The following CNTN5 variants were observed in gnomAD, a reference collection of about 807,000 sequenced individuals.
CNTN5 encodes the protein contactin 5.
In CNTN5, 77 loss-of-function variants were observed where a neutral mutation model predicts 129.1. That is an observed-to-expected ratio of 0.60 (90% CI 0.50 to 0.72). The LOEUF (loss-of-function observed/expected upper bound fraction) is 0.72. Ranked by LOEUF, CNTN5 falls within the 30% of genes least tolerant of loss-of-function variation. The pLI is 0.00. For synonymous variants in CNTN5, 509 were observed against 465.6 expected, an observed-to-expected ratio of 1.09 and a Z score of -1.20; for missense variants, 1,478 against 1,328.8, an observed-to-expected ratio of 1.11 and a Z score of -1.75.
intron 2 of CNTN5, among the ~76,000 whole-genome samples, chr11:99,356,508 A>G (rs922822840): frequency 6.6e-6 from 1 of 152,218 alleles, no homozygotes; most frequent in African/African-American, 2.4e-5. Context: ...TCTTTCATGT[A>G]TAACCCTCCT....
chr11:100,215,468 C>T (rs117339626), intron 15 of CNTN5, among the ~76,000 whole-genome samples: 1 of 152,242 alleles, frequency 6.6e-6, no homozygotes, highest in Non-Finnish European at 1.5e-5. Context: ...TACAACACTG[C>T]ATACAAGTAG....
intron 6 of CNTN5, among the ~76,000 whole-genome samples, chr11:99,899,257 A>G (rs1453185928): frequency 6.6e-6 from 1 of 152,000 alleles, no homozygotes; most frequent in Non-Finnish European, 1.5e-5. Flanking sequence ...GACTTCCAGT[A>G]TTATATTGAA....
chr11:99,828,573 C>T (rs1289937812), intron 4 of CNTN5, among the ~76,000 whole-genome samples: 1 of 152,058 alleles, frequency 6.6e-6, no homozygotes. Context: ...AAGGGAAGCA[C>T]CTTGAAATCA....
rs575483645 is a variant in CNTN5 at position 100,216,781 on chromosome 11, T to C, written c.1885-7911T>C. Among the ~76,000 whole-genome samples the C allele has an allele frequency of 1.0e-3, 158 of 152,330 alleles. 1 individual carries two copies. The South Asian group carries it at 0.015, about 14-fold the overall frequency. ...GAAATAATTTCTAATAATAGTTTTA[T>C]GGTCATTACTACTCAATGAAGCCAT... On this transcript the variant is annotated intron_variant, in intron 15 of 24. Transcript: ENST00000524871.
At chr11:99,260,921 T>C (rs993202168) in intron 1 of CNTN5, among the ~76,000 whole-genome samples, 1 of 151,968 alleles carries the variant, frequency 6.6e-6, no homozygotes, top group African/African-American at 2.4e-5. Flanking sequence ...GGAAGCAAGA[T>C]GTGGGCATTT....
At chr11:99,495,686 A>G (rs17133635) in intron 2 of CNTN5, among the ~76,000 whole-genome samples, 2,446 of 152,272 alleles carry the variant, frequency 0.016, 102 homozygotes, top group Admixed American at 0.092. Flanking sequence ...AGAGAGCTTT[A>G]TCCTTTAAAA....
Position 99,985,022 on chromosome 11 carries a change from G to T in CNTN5, c.878-17012G>T, listed in dbSNP as rs370275725. On this transcript the variant is annotated intron_variant, in intron 8 of 24. Coordinates refer to ENST00000524871, the MANE Select transcript of CNTN5 (RefSeq NM_014361.4). ...ATCCTGCGGCAGTGCCCAGGTGAGG[G>T]TGCCTGCAACGGTGAAGCTCAAGAA... Among the ~76,000 whole-genome samples the T allele has an allele frequency of 6.6e-5, 10 of 152,236 alleles. No individual in the cohort carries two copies. The South Asian group carries it at 1.2e-3, about 19-fold the overall frequency.
At chr11:99,948,808 G>C (rs566570322) in intron 7 of CNTN5, among the ~76,000 whole-genome samples, 1 of 152,112 alleles carries the variant, frequency 6.6e-6, no homozygotes, top group Admixed American at 6.5e-5. Context: ...ACCTTCACCC[G>C]ATGCGTGCGC....
intron 16 of CNTN5, among the ~76,000 whole-genome samples, chr11:100,232,577 T>TGGG (rs1208854588): frequency 6.6e-6 from 1 of 152,234 alleles, no homozygotes; most frequent in Non-Finnish European, 1.5e-5. Flanking sequence ...TCCAACAGAC[T>TGGG]GGGTCACATA....
At chr11:99,908,138 G>T (rs1260575453) in intron 6 of CNTN5, among the ~76,000 whole-genome samples, 2 of 151,996 alleles carry the variant, frequency 1.3e-5, no homozygotes, top group South Asian at 2.1e-4. Context: ...TACACTTGCA[G>T]TGTAAGAGCA....
intron 2 of CNTN5, among the ~76,000 whole-genome samples, chr11:99,457,595 A>T (rs1944542732): frequency 6.6e-6 from 1 of 151,884 alleles, no homozygotes; most frequent in African/African-American, 2.4e-5. Flanking sequence ...TTAAACACAA[A>T]TTTTTAACAG....
In CNTN5 at chr11:99,291,270, G is replaced by T. The variant is rs541411632; in HGVS notation, c.-209-34076G>T. Among the ~76,000 whole-genome samples the T allele has an allele frequency of 1.5e-4, 23 of 151,976 alleles. 1 individual carries two copies. In the South Asian group the frequency reaches 4.8e-3, roughly 31 times the overall value. ...TTGTCTTAATAAAGGATTTAAGAAA[G>T]AAGTTTTCAAAGGCAACTTCTTACT... On this transcript the variant is annotated intron_variant, in intron 1 of 24. Transcript: ENST00000524871.
In CNTN5 at chr11:100,350,807, C is replaced by T. The variant is rs371358971; in HGVS notation, c.3136C>T (p.Arg1046Ter). 8 of 1,607,050 alleles carry T rather than the reference C, an allele frequency of 5.0e-6. No individual in the cohort carries two copies. Among genetic ancestry groups the T allele is most frequent in the African/African-American group, 2.7e-5 (2 of 74,538 alleles). Reference sequence around the variant, plus strand: ...TGCTGGAGTCTATATTATTGAAGTTCGAGCATATAGTGAAGGAGGAGATGG... The same window carrying T: ...TGCTGGAGTCTATATTATTGAAGTTTGAGCATATAGTGAAGGAGGAGATGG... ...PDAGVYIIEVRAYSEGGDGTA... is the reference protein window; with the variant it reads ...PDAGVYIIEV Residue 1046 changes from arginine (R) to a stop codon, truncating the protein, a stop_gained, in exon 24 of 25, where the codon CGA becomes TGA. Coordinates refer to ENST00000524871, the MANE Select transcript of CNTN5 (RefSeq NM_014361.4). LOFTEE classifies it high-confidence loss of function.
chr11:99,071,016 C>T (rs1189704594), intron 1 of CNTN5, among the ~76,000 whole-genome samples: 1 of 152,024 alleles, frequency 6.6e-6, no homozygotes, highest in African/African-American at 2.4e-5. Context: ...CTTACATGGC[C>T]CTGCTTGTTG....
chr11:99,437,190 G>A lies in CNTN5; in HGVS notation c.-71+111706G>A, dbSNP rs151057577. 9.2e-5 allele frequency among the ~76,000 whole-genome samples: 14 copies of A among 152,252 alleles called. No homozygotes were observed. In the East Asian group the frequency reaches 1.4e-3, roughly 15 times the overall value. The stretch of plus-strand genomic sequence containing the variant: ...CCTAGTACTTTACGTGGCAAAGAGC[G>A]GTCGCTTACACCATGCCAGATGTAT... On this transcript the variant is annotated intron_variant, in intron 2 of 24. Coordinates refer to ENST00000524871, the MANE Select transcript of CNTN5 (RefSeq NM_014361.4).
intron 18 of CNTN5, among the ~76,000 whole-genome samples, chr11:100,289,671 C>G (rs1239151285): frequency 1.3e-5 from 2 of 151,478 alleles, no homozygotes; most frequent in African/African-American, 4.9e-5. Context: ...TGGGCAAAAA[C>G]TGGAAGCATT....
chr11:99,969,445 A>G (rs961768647), intron 8 of CNTN5, among the ~76,000 whole-genome samples: 10 of 152,126 alleles, frequency 6.6e-5, no homozygotes, highest in African/African-American at 2.4e-4. Context: ...ACTTACGTTT[A>G]TCTAACTTTT....
intron 6 of CNTN5, among the ~76,000 whole-genome samples, chr11:99,886,698 A>G (rs1027131955): frequency 6.6e-6 from 1 of 152,190 alleles, no homozygotes; most frequent in African/African-American, 2.4e-5. Context: ...ACATGGATTA[A>G]AAAAATACAG....
intron 1 of CNTN5, among the ~76,000 whole-genome samples, chr11:99,204,422 C>A (rs1859370177): frequency 6.6e-6 from 1 of 151,968 alleles, no homozygotes; most frequent in African/African-American, 2.4e-5. Context: ...TCCTTTTTTT[C>A]CCCTCTAACA....
Sources: allele counts gnomAD v4.1 joint callset (sites outside exome capture counted in the v4.1 genomes callset), GRCh38; gene constraint gnomAD v4.1.1; transcripts MANE v1.5; gene names NCBI Gene and HGNC (gene_info 2026-07-23, HGNC 2026-07-21).